Variants in PLCH1 observed in about 807,000 individuals in gnomAD.
PLCH1 encodes the protein phospholipase C eta 1.
Under a neutral mutation model 126.7 loss-of-function variants are expected in PLCH1, and 60 were observed. That is an observed-to-expected ratio of 0.47 (90% CI 0.38 to 0.59). The LOEUF (loss-of-function observed/expected upper bound fraction) is 0.59. Among genes scored for constraint, PLCH1 ranks in the 20% least tolerant of loss-of-function variants. The pLI is 0.00. For missense variants in PLCH1, 1,723 were observed against 2,040.0 expected (o/e 0.84, Z 2.99); for synonymous variants, 719 against 734.9 (o/e 0.98, Z 0.35).
intron 4 of PLCH1, among the ~76,000 whole-genome samples, chr3:155,592,175 A>T (rs917825589): frequency 1.6e-4 from 4 of 25,412 alleles, no homozygotes; most frequent in Non-Finnish European, 2.8e-4. Flanking sequence ...TTTCTCTTTT[A>T]AAAAAAAAAA....
chr3:155,492,614 G>A, intron 18 of PLCH1, 115 bp downstream of exon 18: 1 of 866,910 alleles, frequency 1.2e-6, no homozygotes, highest in Non-Finnish European at 1.7e-6. Flanking sequence ...ATAAGCTGAG[G>A]TCAGTGCTCA....
In PLCH1 at chr3:155,481,120, C is replaced by G. The variant is rs777105013; in HGVS notation, c.4906G>C (p.Gly1636Arg). The G allele has an allele frequency of 3.1e-6, 5 of 1,614,084 alleles. No individual in the cohort carries two copies. In the Admixed American group the frequency reaches 5.0e-5, roughly 16 times the overall value. ...ATGCCCCGGCCTTCAAGGCCACCCC[C>G]TTTCGTGTTCTTCAGGTAGCCTGCG... ...YIAGYLKNTK[G>R]GGLEGRGIPE... is the part of the protein sequence containing the mutation. Residue 1636 changes from glycine (G) to arginine (R), a missense_variant, in exon 23 of 23, where the codon GGG becomes CGG. By Grantham distance (125) the Gly-to-Arg change is moderately radical. This residue lies in a region of PLCH1 where 947 missense variants were observed against 977.1 expected (regional missense o/e 0.97). Transcript: ENST00000460012. The surrounding 1 kb of genome is among the most constrained non-coding windows in gnomAD (Gnocchi z 4.2).
intron 20 of PLCH1, 65 bp downstream of exon 20, chr3:155,488,595 T>C (rs1040372131): frequency 8.5e-6 from 11 of 1,301,534 alleles, no homozygotes; most frequent in Non-Finnish European, 1.1e-5. Flanking sequence ...TAACATATCA[T>C]ATATTACGTC....
intron 2 of PLCH1, among the ~76,000 whole-genome samples, chr3:155,685,294 C>G (rs1190327578): frequency 6.6e-6 from 1 of 152,212 alleles, no homozygotes; most frequent in African/African-American, 2.4e-5. Flanking sequence ...GTAGCCTTTT[C>G]TCTACAAATC....
chr3:155,691,225 G>C (rs543614419), intron 2 of PLCH1, among the ~76,000 whole-genome samples: 16 of 152,316 alleles, frequency 1.1e-4, no homozygotes, highest in African/African-American at 3.6e-4. Flanking sequence ...TGTGATTTCT[G>C]TGAGTTTCAT....
chr3:155,547,298 A>G (rs1330003464), intron 10 of PLCH1, among the ~76,000 whole-genome samples: 1 of 151,884 alleles, frequency 6.6e-6, no homozygotes, highest in Admixed American at 6.6e-5. Flanking sequence ...AATGCTCACC[A>G]TCACTAGCCA....
At chr3:155,743,141 G>C in intron 1 of PLCH1, 1 of 368,592 alleles carries the variant, frequency 2.7e-6, no homozygotes, top group East Asian at 8.9e-5. Flanking sequence ...TACCCCTTAA[G>C]ATGTGTACTT....
intron 2 of PLCH1, among the ~76,000 whole-genome samples, chr3:155,664,089 C>A (rs1226402113): frequency 6.6e-6 from 1 of 152,002 alleles, no homozygotes; most frequent in Non-Finnish European, 1.5e-5. Context: ...GATGACAGTA[C>A]CAATTATAAA....
At chr3:155,705,013 G>T (rs1169336706) in intron 1 of PLCH1, among the ~76,000 whole-genome samples, 1 of 152,100 alleles carries the variant, frequency 6.6e-6, no homozygotes, top group Non-Finnish European at 1.5e-5. Context: ...CCTGAACAAG[G>T]CCTCCTTTGT....
chr3:155,610,222 A>C (rs1734860029), intron 2 of PLCH1, among the ~76,000 whole-genome samples: 1 of 151,970 alleles, frequency 6.6e-6, no homozygotes, highest in South Asian at 2.1e-4. Context: ...TTGGCCGGGC[A>C]TGGTTGCACA....
At chr3:155,619,703 G>A (rs1577159182) in intron 2 of PLCH1, among the ~76,000 whole-genome samples, 1 of 152,024 alleles carries the variant, frequency 6.6e-6, no homozygotes, top group African/African-American at 2.4e-5. Flanking sequence ...TTGCCCTCAG[G>A]CCTAAAGAAT....
In PLCH1 at chr3:155,482,345, T is replaced by G; in HGVS notation, c.3681A>C (p.Lys1227Asn). 1.2e-6 allele frequency: 2 copies of G among 1,614,078 alleles called. No homozygotes were observed. Among genetic ancestry groups the G allele is most frequent in the East Asian group, 4.5e-5 (2 of 44,882 alleles). ...GHCPLPSLGL[K>N]MPIKHGFCKG... ...TGCAAAAACCATGCTTGATGGGCAT[T>G]TTTAGGCCCAGGCTAGGCAAGGGAC... Residue 1227 changes from lysine to asparagine, a missense_variant, in exon 23 of 23, where the codon AAA becomes AAC. Physicochemically the swap from Lys to Asn is moderately conservative, Grantham distance 94 (BLOSUM62 0). Coordinates refer to ENST00000460012, the MANE Select transcript of PLCH1 (RefSeq NM_014996.4).
chr3:155,669,869 C>T (rs764930016), intron 2 of PLCH1, among the ~76,000 whole-genome samples: 2 of 152,160 alleles, frequency 1.3e-5, no homozygotes, highest in African/African-American at 2.4e-5. Context: ...GTATAGTCTT[C>T]GTTCTCTTTT....
At chr3:155,672,049 C>T (rs1170313435) in intron 2 of PLCH1, among the ~76,000 whole-genome samples, 1 of 152,048 alleles carries the variant, frequency 6.6e-6, no homozygotes, top group Admixed American at 6.6e-5. Flanking sequence ...ATAAACCTAC[C>T]AGGAAATGTG....
intron 10 of PLCH1, among the ~76,000 whole-genome samples, chr3:155,524,451 T>C (rs188340326): frequency 1.6e-4 from 25 of 152,322 alleles, no homozygotes; most frequent in African/African-American, 6.0e-4. Context: ...CATTTAAAAA[T>C]AGTTAAGATG....
At chr3:155,737,125 C>A (rs992307542) in intron 1 of PLCH1, among the ~76,000 whole-genome samples, 5 of 148,650 alleles carry the variant, frequency 3.4e-5, no homozygotes, top group African/African-American at 1.2e-4. Flanking sequence ...CCAGCTACTC[C>A]CGAGGCTGAG....
At position 155,485,646 on chromosome 3, in the gene PLCH1, T is replaced by A; in HGVS notation, c.2684A>T (p.Asn895Ile). The A allele has an allele frequency of 5.0e-6, 8 of 1,610,222 alleles. No individual in the cohort carries two copies. The highest frequency in any genetic ancestry group is 5.9e-6 in the Non-Finnish European group (7 of 1,179,982). Residue 895 changes from asparagine to isoleucine, a missense_variant, in exon 22 of 23, where the codon AAC becomes ATC. By Grantham distance (149) the Asn-to-Ile change is moderately radical. Around this residue, in one of 2 missense-constraint regions of PLCH1, gnomAD observed 947 missense variants for 977.1 expected, o/e 0.97. Coordinates refer to ENST00000460012, the MANE Select transcript of PLCH1 (RefSeq NM_014996.4). ...TCGCTTCCGTACATAATGGGAATTG[T>A]TTTCTGAAGAACTGTGCCTAGGATT... ...NKNPRHSSSE[N>I]NSHYVRKRSI...
At chr3:155,734,044 CAGTT>C (rs1236118208) in intron 1 of PLCH1, among the ~76,000 whole-genome samples, 1 of 146,750 alleles carries the variant, frequency 6.8e-6, no homozygotes. Flanking sequence ...CACTTCATAT[CAGTT>C]AGAATGGCTA....
In PLCH1 at chr3:155,651,037, CA is replaced by C. The variant is rs534834731; in HGVS notation, c.79+53108del. Among the ~76,000 whole-genome samples the C allele has an allele frequency of 9.4e-3, 1,240 of 131,626 alleles. 16 individuals carry two copies. Among genetic ancestry groups the C allele is most frequent in the African/African-American group, 0.029 (1,035 of 35,952 alleles). The allele number at this position is 131,626 out of a possible 152,430, so 86.4% of individuals were successfully genotyped here. ...TGGGCAACAGAGCGAGACTCCGTCT[CA>C]AAAAAAAAAAAATGCAGATTTAAAC... On this transcript the variant is annotated intron_variant, in intron 2 of 22. Transcript: ENST00000460012.
Sources: gnomAD v4.1 joint callset for allele counts (sites outside exome capture counted in the v4.1 genomes callset) on GRCh38, gnomAD v4.1.1 for gene constraint, gnomAD v4.1.1 regional missense constraint, Gnocchi (gnomAD v3.1) non-coding constraint, MANE v1.5 for transcripts, NCBI Gene and HGNC (gene_info 2026-07-23, HGNC 2026-07-21) for gene names.